FAM184B: variants seen among roughly 807,000 people sequenced by gnomAD.
FAM184B encodes the protein protein FAM184B.
A neutral mutation model predicts 135.9 loss-of-function variants in FAM184B; 111 were observed. The observed-to-expected ratio is 0.82, with a 90% CI of 0.70 to 0.96. The LOEUF (loss-of-function observed/expected upper bound fraction) is 0.96, where lower values mean the gene tolerates loss of function less well. Among genes scored for constraint, FAM184B ranks in the 40% least tolerant of loss-of-function variants. FAM184B has a pLI of 0.00. For synonymous variants in FAM184B, 552 were observed against 524.8 expected (o/e 1.05, Z -0.71); for missense variants, 1,375 against 1,323.9 (o/e 1.04, Z -0.60).
chr4:17,699,306 A>AAAT (rs56127917), intron 5 of FAM184B, among the ~76,000 whole-genome samples: 92,540 of 151,502 alleles, frequency 0.61, 28,813 homozygotes, highest in East Asian at 0.93. Flanking sequence ...GAAATGGAAG[A>AAAT]AATGGCCATA....
rs1312073320 is a variant in FAM184B, at chr4:17,652,842, C to T, written c.2179G>A (p.Ala727Thr). The change falls in exon 11 of 18, where the codon GCC becomes ACC. Residue 727 changes from alanine (A) to threonine (T), a missense_variant. By Grantham distance (58) the Ala-to-Thr change is moderately conservative. Coordinates refer to ENST00000265018, the MANE Select transcript of FAM184B (RefSeq NM_015688.2). ...ATTGGGTGTATACCTAGCAGCAGGGCCTGCTGTGCCTGCATCCTCTCACGC... is the reference window on the plus strand; with the variant it reads ...ATTGGGTGTATACCTAGCAGCAGGGTCTGCTGTGCCTGCATCCTCTCACGC... ...EERERMQAQQALLLESLRQEL... is the reference protein window; with the variant it reads ...EERERMQAQQTLLLESLRQEL... 2 of 1,551,216 alleles carry T rather than the reference C, an allele frequency of 1.3e-6. No homozygotes were observed. The highest frequency in any genetic ancestry group is 1.7e-6 in the Non-Finnish European group (2 of 1,146,896).
Position 17,781,321 on chromosome 4 carries a change from C to T in FAM184B, c.-22G>A. The T allele has an allele frequency of 6.6e-7, 1 of 1,510,618 alleles. No individual in the cohort carries two copies. The allele number at this position is 1,510,618 out of a possible 1,614,324, so 93.6% of individuals were successfully genotyped here. A position where few individuals can be genotyped will look rare whatever the true frequency, so the allele number is the denominator to read the frequency against. ...CCATCGCTAAAACGCGCCCAGCACT[C>T]AGACTCTCTCGTTTTCTCCCTGCCC... On this transcript the variant is annotated 5_prime_UTR_variant, in exon 1 of 18. Coordinates refer to ENST00000265018, the MANE Select transcript of FAM184B (RefSeq NM_015688.2). The surrounding 1 kb of genome is among the most constrained non-coding windows in gnomAD (Gnocchi z 6.5).
At chr4:17,735,201 G>C (rs1000800178) in intron 1 of FAM184B, among the ~76,000 whole-genome samples, 6 of 151,714 alleles carry the variant, frequency 4.0e-5, no homozygotes, top group Non-Finnish European at 8.8e-5. Context: ...GGATGGGGGA[G>C]GGATAGCATT....
intron 7 of FAM184B, among the ~76,000 whole-genome samples, chr4:17,674,366 T>C (rs1216726650): frequency 6.6e-6 from 1 of 152,180 alleles, no homozygotes; most frequent in African/African-American, 2.4e-5. Context: ...AATAATCTTA[T>C]GTCTAAAAAT....
chr4:17,687,345 G>A (rs1355922801), intron 7 of FAM184B, among the ~76,000 whole-genome samples: 3 of 152,142 alleles, frequency 2.0e-5, no homozygotes, highest in Admixed American at 2.0e-4. Context: ...GTTTTTTATG[G>A]CTCTCTTGCT....
chr4:17,769,867 A>T (rs191087958), intron 1 of FAM184B, among the ~76,000 whole-genome samples: 2 of 152,302 alleles, frequency 1.3e-5, no homozygotes, highest in African/African-American at 2.4e-5. Context: ...ATAGACAGAA[A>T]TCCCTACCCT....
intron 1 of FAM184B, among the ~76,000 whole-genome samples, chr4:17,756,361 GAAT>G (rs1718420943): frequency 6.6e-6 from 1 of 152,052 alleles, no homozygotes; most frequent in Admixed American, 6.6e-5. Context: ...ACATCAAAAA[GAAT>G]AATAACTGCA....
intron 1 of FAM184B, among the ~76,000 whole-genome samples, chr4:17,747,909 A>C: frequency 8.4e-6 from 1 of 119,004 alleles, no homozygotes; most frequent in Non-Finnish European, 1.7e-5. Context: ...CGACAGAGCG[A>C]GACTCTGTCT....
chr4:17,665,385 C>T (rs1012503462), intron 7 of FAM184B, among the ~76,000 whole-genome samples: 9 of 152,128 alleles, frequency 5.9e-5, no homozygotes, highest in Admixed American at 3.9e-4. Context: ...TGAAAAAGAC[C>T]TTGTTATTTT....
chr4:17,736,373 G>A (rs548805352), intron 1 of FAM184B, among the ~76,000 whole-genome samples: 9 of 152,220 alleles, frequency 5.9e-5, no homozygotes, highest in South Asian at 2.1e-4. Flanking sequence ...AATCTTAATC[G>A]TTACTCAATC....
intron 1 of FAM184B, among the ~76,000 whole-genome samples, chr4:17,746,657 G>C (rs926572194): frequency 6.6e-6 from 1 of 150,696 alleles, no homozygotes; most frequent in Non-Finnish European, 1.5e-5. Flanking sequence ...GTGTGGACTC[G>C]GGAGGTGGAG....
intron 7 of FAM184B, among the ~76,000 whole-genome samples, chr4:17,670,615 A>G (rs73093717): frequency 0.016 from 2,438 of 152,306 alleles, 26 homozygotes; most frequent in African/African-American, 0.024. Flanking sequence ...ATGCACCCAG[A>G]TAACAACACT....
intron 1 of FAM184B, among the ~76,000 whole-genome samples, chr4:17,725,818 G>A (rs1006169781): frequency 2.0e-5 from 3 of 152,148 alleles, no homozygotes; most frequent in African/African-American, 7.2e-5. Flanking sequence ...CTCTCAGGAT[G>A]GCTTGGTCAG....
intron 3 of FAM184B, among the ~76,000 whole-genome samples, chr4:17,706,834 G>T (rs530396665): frequency 2.3e-4 from 35 of 152,150 alleles, no homozygotes; most frequent in African/African-American, 7.7e-4. Flanking sequence ...TGCCCAGGCT[G>T]GAGTGCAATG....
At chr4:17,737,203 C>A (rs1717931248) in intron 1 of FAM184B, among the ~76,000 whole-genome samples, 1 of 151,846 alleles carries the variant, frequency 6.6e-6, no homozygotes, top group Non-Finnish European at 1.5e-5. Flanking sequence ...GCCAGTACCT[C>A]AGGACATTAA....
At chr4:17,687,894 A>G (rs936645488) in intron 7 of FAM184B, among the ~76,000 whole-genome samples, 2 of 152,176 alleles carry the variant, frequency 1.3e-5, no homozygotes, top group Non-Finnish European at 2.9e-5. Context: ...CACCAAGTAC[A>G]TGGTCATTCG....
intron 4 of FAM184B, 87 bp downstream of exon 4, chr4:17,705,665 C>T: frequency 6.8e-7 from 1 of 1,468,770 alleles, no homozygotes; most frequent in Non-Finnish European, 9.1e-7. Context: ...ATCCACTATG[C>T]TTGGGGACTG....
chr4:17,650,902 A>ATT (rs112123247), intron 11 of FAM184B, among the ~76,000 whole-genome samples: 10 of 150,514 alleles, frequency 6.6e-5, no homozygotes, highest in South Asian at 2.1e-4. Flanking sequence ...ACTTTTCCTA[A>ATT]TTTTTTTTTT....
chr4:17,764,251 C>G (rs1296400219), intron 1 of FAM184B, among the ~76,000 whole-genome samples: 1 of 152,172 alleles, frequency 6.6e-6, no homozygotes, highest in Non-Finnish European at 1.5e-5. Flanking sequence ...GCTCTGGCCC[C>G]AAACCTGCAT....
Sources: allele counts gnomAD v4.1 joint callset (sites outside exome capture counted in the v4.1 genomes callset), GRCh38; gene constraint gnomAD v4.1.1; non-coding constraint Gnocchi (gnomAD v3.1); transcripts MANE v1.5; gene names NCBI Gene and HGNC (gene_info 2026-07-23, HGNC 2026-07-21).